The following LTF variants were observed in gnomAD, a reference collection of about 807,000 sequenced individuals.
LTF encodes the protein epididymis luminal protein 110.
A neutral mutation model predicts 87.2 loss-of-function variants in LTF; 91 were observed. That is an observed-to-expected ratio of 1.04 (90% CI 0.88 to 1.24). The LOEUF is 1.24. Among genes scored for constraint, LTF ranks in the 50% most tolerant of loss-of-function variants. LTF has a pLI of 0.00. For missense variants in LTF, 901 were observed against 904.3 expected (o/e 1.00, Z 0.05); for synonymous variants, 378 against 356.1 (o/e 1.06, Z -0.69).
intron 2 of LTF, 112 bp from the exon 3 acceptor site, chr3:46,456,510 C>T (rs578172306): frequency 1.4e-4 from 101 of 733,008 alleles, no homozygotes; most frequent in East Asian, 1.2e-3. Context: ...CAAAGGGGTC[C>T]GCTTTCCATC....
chr3:46,454,190 G>A, intron 6 of LTF, 115 bp downstream of exon 6: 2 of 899,460 alleles, frequency 2.2e-6, no homozygotes, highest in South Asian at 2.7e-5. Context: ...GTGCCCTGTA[G>A]GAATCTTGAA....
In LTF at chr3:46,445,522, C is replaced by T. The variant is rs1216759981; in HGVS notation, c.1358-86G>A. 7.6e-6 allele frequency: 9 copies of T among 1,181,634 alleles called. No homozygotes were observed. The East Asian group carries it at 2.3e-4, about 30-fold the overall frequency. 73.2% of individuals were successfully genotyped at this position (1,181,634 alleles called of 1,614,324 possible). The stretch of plus-strand genomic sequence containing the variant: ...CCAGTGGAGCTGTCTACAGCCCAGG[C>T]CAAAACAGGCCAAGAAGCAACACCA... On this transcript the variant is annotated intron_variant, in intron 11 of 16. Transcript: ENST00000231751.
exon 1 of LTF, chr3:46,485,057 C>T (rs1234981153): frequency 6.6e-6 from 1 of 152,398 alleles, no homozygotes; most frequent in Non-Finnish European, 1.5e-5. Flanking sequence ...GACCACAGCC[C>T]AGGGCCCCAG....
At chr3:46,458,221 ATCTGTTTGTTT>A in intron 2 of LTF, among the ~76,000 whole-genome samples, 1 of 152,214 alleles carries the variant, frequency 6.6e-6, no homozygotes, top group East Asian at 1.9e-4. Flanking sequence ...ATTTTAGAAT[ATCTGTTTGTTT>A]CGTGATTTAG....
intron 7 of LTF, 45 bp from the exon 8 acceptor site, chr3:46,450,073 A>C (rs1702765479): frequency 7.0e-7 from 1 of 1,433,686 alleles, no homozygotes; most frequent in African/African-American, 1.4e-5. Context: ...GTAAATAGGG[A>C]GGAAACAAAA....
chr3:46,439,909 C>CAA (rs10717285), intron 14 of LTF, among the ~76,000 whole-genome samples: 1 of 145,198 alleles, frequency 6.9e-6, no homozygotes, highest in Non-Finnish European at 1.5e-5. Flanking sequence ...GACCTCATCT[C>CAA]AAAAAAAAAA....
intron 1 of LTF, among the ~76,000 whole-genome samples, chr3:46,482,655 A>AGAAAGAAAGAAAGAAGGAAG: frequency 1.1e-5 from 1 of 87,114 alleles, no homozygotes; most frequent in Non-Finnish European, 2.3e-5. Context: ...AAAGAAAGAA[A>AGAAAGAAAGAAAGAAGGAAG]GAAAGAAGGA....
chr3:46,472,782 T>C (rs7641783), intron 1 of LTF, among the ~76,000 whole-genome samples: 125,880 of 151,970 alleles, frequency 0.83, 52,629 homozygotes, highest in East Asian at 0.99. Context: ...ATGTTGTTGC[T>C]AAATGTTGCC....
At chr3:46,447,541 A>T in intron 9 of LTF, 143 bp from the exon 10 acceptor site, 1 of 671,622 alleles carries the variant, frequency 1.5e-6, no homozygotes, top group Admixed American at 2.2e-5. Flanking sequence ...CTGAGCAGCC[A>T]GAGGAAACAC....
upstream of LTF, among the ~76,000 whole-genome samples, chr3:46,466,144 G>C (rs1703208650): frequency 6.6e-6 from 1 of 152,296 alleles, no homozygotes; most frequent in Middle Eastern, 3.4e-3. Flanking sequence ...GGAGGCTAAA[G>C]TGGGAGGACC....
intron 1 of LTF, among the ~76,000 whole-genome samples, chr3:46,461,422 T>C (rs1287282305): frequency 6.6e-6 from 1 of 152,174 alleles, no homozygotes; most frequent in Non-Finnish European, 1.5e-5. Flanking sequence ...CAATAACTGG[T>C]GAATGTACAT....
chr3:46,451,786 G>A (rs1367853779), intron 6 of LTF, among the ~76,000 whole-genome samples: 2 of 152,120 alleles, frequency 1.3e-5, no homozygotes, highest in Non-Finnish European at 2.9e-5. Flanking sequence ...ATAGAGATGG[G>A]GTTTCACCAT....
At chr3:46,450,086 A>G in intron 7 of LTF, 58 bp from the exon 8 acceptor site, 2 of 1,373,510 alleles carry the variant, frequency 1.5e-6, no homozygotes, top group Admixed American at 2.2e-5. Flanking sequence ...AAACAAAAAA[A>G]TGATGTTAAA....
At position 46,443,547 on chromosome 3, in the gene LTF, C is replaced by T. The variant is rs1702574327; in HGVS notation, c.1549G>A (p.Asp517Asn). ...AGAGCACAGAGATTAGATCTCGGGT[C>T]AGACCCAGGGGCACAGCTTTGACTG... is the stretch of plus-strand genomic sequence containing the variant. Reference protein sequence around the residue: ...YFSQSCAPGSDPRSNLCALCI... With the variant: ...YFSQSCAPGSNPRSNLCALCI... The change falls in exon 13 of 17, where the codon GAC becomes AAC. Residue 517 changes from aspartate to asparagine, a missense_variant. Asp to Asn is a conservative substitution (Grantham distance 23). Coordinates refer to ENST00000231751, the MANE Select transcript of LTF (RefSeq NM_002343.6). 3.7e-6 allele frequency: 6 copies of T among 1,613,936 alleles called. No individual in the cohort carries two copies. Among genetic ancestry groups the T allele is most frequent in the Non-Finnish European group, 3.4e-6 (4 of 1,179,956 alleles).
chr3:46,473,857 G>A (rs1703324370), intron 1 of LTF, among the ~76,000 whole-genome samples: 1 of 152,206 alleles, frequency 6.6e-6, no homozygotes, highest in South Asian at 2.1e-4. Context: ...ATTAGGACAT[G>A]GACATCTTTG....
At chr3:46,476,997 A>T (rs1438019130) in intron 1 of LTF, among the ~76,000 whole-genome samples, 1 of 152,224 alleles carries the variant, frequency 6.6e-6, no homozygotes, top group Non-Finnish European at 1.5e-5. Context: ...TGAAGCGAAC[A>T]TATGTATTCT....
At chr3:46,455,710 T>A in intron 4 of LTF, 86 bp downstream of exon 4, 1 of 1,428,562 alleles carries the variant, frequency 7.0e-7, no homozygotes, top group Non-Finnish European at 9.5e-7. Flanking sequence ...TCCCACACTT[T>A]CACCTGCATG....
chr3:46,450,402 G>A (rs941621314), intron 7 of LTF, 93 bp downstream of exon 7: 2 of 1,337,436 alleles, frequency 1.5e-6, no homozygotes, highest in Non-Finnish European at 2.1e-6. Flanking sequence ...CAAAGCTACA[G>A]GACTTCTGGA....
chr3:46,459,532 G>T, intron 2 of LTF, 124 bp downstream of exon 2: 1 of 924,954 alleles, frequency 1.1e-6, no homozygotes, highest in Non-Finnish European at 1.5e-6. Flanking sequence ...AGAGAGGACG[G>T]CTCCCCACTT....
Sources: allele counts gnomAD v4.1 joint callset (sites outside exome capture counted in the v4.1 genomes callset), GRCh38; gene constraint gnomAD v4.1.1; transcripts MANE v1.5; gene names NCBI Gene and HGNC (gene_info 2026-07-23, HGNC 2026-07-21).